Variants in CADM1 observed in about 807,000 individuals in gnomAD.
The protein encoded by CADM1 is TSLC-1.
Under a neutral mutation model 53.1 loss-of-function variants are expected in CADM1, and 15 were observed. That is an observed-to-expected ratio of 0.28 (90% CI 0.19 to 0.44). The LOEUF is 0.44. Ranked by LOEUF, CADM1 falls within the 20% of genes least tolerant of loss-of-function variation. The probability of loss-of-function intolerance (pLI) is 1.00; values close to 1 mark genes in which losing one functional copy is unlikely to be tolerated. For missense variants in CADM1, 434 were observed against 611.3 expected, an observed-to-expected ratio of 0.71 and a Z score of 3.06; for synonymous variants, 281 against 243.0, an observed-to-expected ratio of 1.16 and a Z score of -1.45.
At chr11:115,474,618 T>TG (rs1949088773) in intron 1 of CADM1, among the ~76,000 whole-genome samples, 1 of 143,146 alleles carries the variant, frequency 7.0e-6, no homozygotes, top group Non-Finnish European at 1.5e-5. Context: ...AAACACCGCA[T>TG]GCTCTCACTC....
At chr11:115,483,210 TA>T (rs924317045) in intron 1 of CADM1, among the ~76,000 whole-genome samples, 1 of 152,246 alleles carries the variant, frequency 6.6e-6, no homozygotes, top group African/African-American at 2.4e-5. Flanking sequence ...TCAGAACGTT[TA>T]AGAACTTTAA....
At chr11:115,437,704 TA>T (rs1259910787) in intron 1 of CADM1, among the ~76,000 whole-genome samples, 2 of 152,124 alleles carry the variant, frequency 1.3e-5, no homozygotes, top group Non-Finnish European at 2.9e-5. Flanking sequence ...ACAGAGGAAC[TA>T]AAAAAATAAC....
At chr11:115,254,720 C>G (rs1942726001) in intron 1 of CADM1, among the ~76,000 whole-genome samples, 1 of 151,978 alleles carries the variant, frequency 6.6e-6, no homozygotes, top group South Asian at 2.1e-4. Context: ...GAGAGGAAAT[C>G]TGAAAGGAGG....
intron 1 of CADM1, among the ~76,000 whole-genome samples, chr11:115,450,609 C>T (rs747307146): frequency 6.6e-6 from 1 of 152,144 alleles, no homozygotes; most frequent in Non-Finnish European, 1.5e-5. Context: ...CATGAGAAAA[C>T]GTATTTTTCA....
intron 5 of CADM1, among the ~76,000 whole-genome samples, chr11:115,228,886 A>C (rs764329430): frequency 2.2e-4 from 33 of 152,168 alleles, no homozygotes; most frequent in Admixed American, 5.2e-4. Context: ...GAGCAGATTG[A>C]TATTATTTCA....
At chr11:115,297,427 A>C (rs1343263166) in intron 1 of CADM1, among the ~76,000 whole-genome samples, 1 of 152,174 alleles carries the variant, frequency 6.6e-6, no homozygotes, top group Non-Finnish European at 1.5e-5. Context: ...CTGGATACCT[A>C]CTCGGTGTTT....
chr11:115,271,990 A>G (rs1943312262), intron 1 of CADM1, among the ~76,000 whole-genome samples: 1 of 151,852 alleles, frequency 6.6e-6, no homozygotes, highest in Non-Finnish European at 1.5e-5. Flanking sequence ...ACAGAAAATT[A>G]CTCTGTTCCT....
At chr11:115,308,843 T>G (rs1390311776) in intron 1 of CADM1, among the ~76,000 whole-genome samples, 1 of 150,234 alleles carries the variant, frequency 6.7e-6, no homozygotes, top group African/African-American at 2.4e-5. Flanking sequence ...CTTCCTTATT[T>G]TATTCATTTA....
intron 1 of CADM1, among the ~76,000 whole-genome samples, chr11:115,441,799 A>G (rs1948319001): frequency 6.6e-6 from 1 of 152,124 alleles, no homozygotes; most frequent in South Asian, 2.1e-4. Context: ...GTTTCAACTG[A>G]TCTTAAGTTC....
At chr11:115,437,543 A>G (rs185109444) in intron 1 of CADM1, among the ~76,000 whole-genome samples, 1 of 152,228 alleles carries the variant, frequency 6.6e-6, no homozygotes, top group Non-Finnish European at 1.5e-5. Context: ...CATCCAAAAG[A>G]CATTAGGTAA....
chr11:115,338,883 T>TA lies in CADM1; in HGVS notation c.125-98464_125-98463insT, dbSNP rs1254789002. On this transcript the variant is annotated intron_variant, in intron 1 of 11. Coordinates refer to ENST00000331581, the MANE Select transcript of CADM1 (RefSeq NM_001301043.2). ...ACCTTCTTTTATTTTTTTTATTTTT[T>TA]TTTTTTTAATTTTTTTTTTTTTTTA... Among the ~76,000 whole-genome samples the TA allele has an allele frequency of 3.4e-4, 44 of 128,386 alleles. No homozygotes were observed. In the South Asian group the frequency reaches 7.7e-3, roughly 23 times the overall value. The allele number at this position is 128,386 out of a possible 152,430, so 84.2% of individuals were successfully genotyped here.
chr11:115,412,140 G>C (rs1430802004), intron 1 of CADM1, among the ~76,000 whole-genome samples: 1 of 152,120 alleles, frequency 6.6e-6, no homozygotes, highest in Non-Finnish European at 1.5e-5. Context: ...AATGAATCCT[G>C]AATCTGCTTT....
intron 1 of CADM1, among the ~76,000 whole-genome samples, chr11:115,403,666 G>A (rs887155131): frequency 6.6e-6 from 1 of 151,736 alleles, no homozygotes; most frequent in African/African-American, 2.4e-5. Context: ...GCGCTATCTC[G>A]GCTTACTGCA....
At chr11:115,456,293 T>C (rs940595580) in intron 1 of CADM1, among the ~76,000 whole-genome samples, 2 of 152,062 alleles carry the variant, frequency 1.3e-5, no homozygotes, top group East Asian at 3.9e-4. Context: ...TGTAAGACAT[T>C]TTAAAAGACA....
At chr11:115,452,616 T>C (rs1007244207) in intron 1 of CADM1, among the ~76,000 whole-genome samples, 5 of 152,136 alleles carry the variant, frequency 3.3e-5, no homozygotes, top group African/African-American at 1.2e-4. Context: ...TGTCTCAAAA[T>C]AAAATGTGTT....
chr11:115,327,519 AG>A (rs1944990573), intron 1 of CADM1, among the ~76,000 whole-genome samples: 1 of 120,000 alleles, frequency 8.3e-6, no homozygotes, highest in Admixed American at 8.4e-5. Flanking sequence ...AATACATAAG[AG>A]TTTTTTTTTT....
At chr11:115,279,125 A>G (rs1198358292) in intron 1 of CADM1, among the ~76,000 whole-genome samples, 1 of 152,176 alleles carries the variant, frequency 6.6e-6, no homozygotes, top group Admixed American at 6.5e-5. Flanking sequence ...TCCTGTCCCT[A>G]AGAATGTCAT....
chr11:115,488,346 G>A (rs1050038874), intron 1 of CADM1, among the ~76,000 whole-genome samples: 9 of 152,116 alleles, frequency 5.9e-5, no homozygotes, highest in Admixed American at 3.3e-4. Context: ...TTAGAACTAA[G>A]TCATACAAAA....
chr11:115,340,658 A>ATATATATATATTTTTTTTTTTT (rs60532835), intron 1 of CADM1, among the ~76,000 whole-genome samples: 1 of 34,938 alleles, frequency 2.9e-5, no homozygotes, highest in African/African-American at 1.4e-4. Context: ...ATATATATAT[A>ATATATATATATTTTTTTTTTTT]TTTTTTTTTT....
Sources: allele counts gnomAD v4.1 joint callset (sites outside exome capture counted in the v4.1 genomes callset), GRCh38; gene constraint gnomAD v4.1.1; transcripts MANE v1.5; gene names NCBI Gene and HGNC (gene_info 2026-07-23, HGNC 2026-07-21).